SESN2: variants seen among roughly 807,000 people sequenced by gnomAD.
SESN2 encodes sestrin 2.
A neutral mutation model predicts 56.0 loss-of-function variants in SESN2; 42 were observed. The ratio of observed to expected loss-of-function variants is 0.75; its 90% CI spans 0.59 to 0.97. The LOEUF (loss-of-function observed/expected upper bound fraction) is 0.97. SESN2 is among the 50% of genes least tolerant of loss of function. SESN2 has a pLI of 0.00. For synonymous variants in SESN2, 264 were observed against 267.1 expected, an observed-to-expected ratio of 0.99 and a Z score of 0.11; for missense variants, 507 against 649.4, an observed-to-expected ratio of 0.78 and a Z score of 2.38.
chr1:28,274,866 G>A lies in SESN2; in HGVS notation c.1062G>A (p.Arg354=), dbSNP rs1557734798. 1.9e-6 allele frequency: 3 copies of A among 1,614,158 alleles called. No individual in the cohort carries two copies. The highest frequency in any genetic ancestry group is 1.7e-6 in the Non-Finnish European group (2 of 1,180,004). The change falls in exon 8 of 10, where the codon CGG becomes CGA. Residue 354 remains arginine (R), a synonymous_variant. Coordinates refer to ENST00000253063, the MANE Select transcript of SESN2 (RefSeq NM_031459.5). ...WEDHGYSLIQ[R]LYPEGGQLLD... The stretch of plus-strand genomic sequence containing the variant: ...ACCATGGCTACTCGCTGATCCAGCG[G>A]CTTTACCCTGAGGGTGGGCAGCTGC...
In SESN2 at chr1:28,259,902, G is replaced by A; in HGVS notation, c.55G>A (p.Ala19Thr). ...AGAGCTCAAGGACTACCTGCGGTTC[G>A]CCCCGGGCGGCGTCGGCGACTCGGG... The part of the protein sequence containing the change: ...RAELKDYLRF[A>T]PGGVGDSGPG... The change falls in exon 1 of 10, where the codon GCC becomes ACC. Residue 19 changes from alanine (A) to threonine (T), a missense_variant. By Grantham distance (58) the Ala-to-Thr change is moderately conservative. Transcript: ENST00000253063. 6.8e-7 allele frequency: 1 copy of A among 1,463,300 alleles called. No individual in the cohort carries two copies. The highest frequency in any genetic ancestry group is 2.9e-5 in the East Asian group (1 of 34,852). 90.6% of individuals were successfully genotyped at this position (1,463,300 alleles called of 1,614,324 possible).
intron 8 of SESN2, among the ~76,000 whole-genome samples, chr1:28,278,849 A>G (rs571173213): frequency 6.6e-6 from 1 of 152,236 alleles, no homozygotes; most frequent in Non-Finnish European, 1.5e-5. Context: ...AGGATTCCAC[A>G]TGGCACATAG....
Position 28,275,002 on chromosome 1 carries a change from G to A in SESN2, c.1198G>A (p.Val400Ile), listed in dbSNP as rs374917721. Residue 400 changes from valine to isoleucine, a missense_variant, in exon 8 of 10, where the codon GTC (valine) becomes ATC (isoleucine). Coordinates refer to ENST00000253063, the MANE Select transcript of SESN2 (RefSeq NM_031459.5). ...GGCCATCTGGAACTATATCCACTGCGTCTTTGGCATCAGGTGAGCTCATAT... is the reference window on the plus strand; with the variant it reads ...GGCCATCTGGAACTATATCCACTGCATCTTTGGCATCAGGTGAGCTCATAT... ...RRAIWNYIHC[V>I]FGIRYDDYDY... 3.1e-5 allele frequency: 50 copies of A among 1,613,054 alleles called. 1 individual carries two copies. Among genetic ancestry groups the A allele is most frequent in the African/African-American group, 2.1e-4 (16 of 74,922 alleles).
At chr1:28,263,689 CT>C (rs1391079464) in intron 1 of SESN2, among the ~76,000 whole-genome samples, 1 of 152,008 alleles carries the variant, frequency 6.6e-6, no homozygotes, top group Non-Finnish European at 1.5e-5. Context: ...CTGGGTTCAA[CT>C]CTCCAAGGCT....
In SESN2 at chr1:28,279,893, G is replaced by T. The variant is rs542118414; in HGVS notation, c.1356+652G>T. On this transcript the variant is annotated intron_variant, in intron 9 of 9. Coordinates refer to ENST00000253063, the MANE Select transcript of SESN2 (RefSeq NM_031459.5). ...TTTTGAGACAGAGTCTTGCTCTGTT[G>T]CCCAGGCTGGAGCGCAGCGGTGTGA... Among the ~76,000 whole-genome samples the T allele has an allele frequency of 2.0e-5, 3 of 151,588 alleles. No homozygotes were observed. In the South Asian group the frequency reaches 6.3e-4, roughly 32 times the overall value.
intron 2 of SESN2, 67 bp from the exon 3 acceptor site, chr1:28,271,607 A>G: frequency 7.8e-7 from 1 of 1,281,660 alleles, no homozygotes; most frequent in East Asian, 2.3e-5. Flanking sequence ...CACTGGAAGA[A>G]TACATTGGTC....
intron 1 of SESN2, among the ~76,000 whole-genome samples, chr1:28,263,890 T>C (rs1340168286): frequency 6.6e-6 from 1 of 152,200 alleles, no homozygotes; most frequent in Non-Finnish European, 1.5e-5. Context: ...TGTGTGCAAG[T>C]ACCTGAGCTA....
At chr1:28,275,310 C>CT (rs1310379358) in intron 8 of SESN2, among the ~76,000 whole-genome samples, 6 of 152,088 alleles carry the variant, frequency 3.9e-5, no homozygotes, top group African/African-American at 1.4e-4. Context: ...CACACACACA[C>CT]ACACACACTA....
chr1:28,270,464 C>A (rs914490592), intron 2 of SESN2, among the ~76,000 whole-genome samples: 10 of 152,282 alleles, frequency 6.6e-5, no homozygotes, highest in African/African-American at 2.2e-4. Flanking sequence ...TTCCTCTACT[C>A]CTTTGTAAAT....
chr1:28,274,300 G>A, intron 7 of SESN2, 142 bp downstream of exon 7: 1 of 654,164 alleles, frequency 1.5e-6, no homozygotes, highest in Admixed American at 2.4e-5. Flanking sequence ...GGGAAGCCAA[G>A]GTGGGAGGAT....
At position 28,274,046 on chromosome 1, in the gene SESN2, T is replaced by C; in HGVS notation, c.908T>C (p.Ile303Thr). 6.2e-7 allele frequency: 1 copy of C among 1,611,552 alleles called. No individual in the cohort carries two copies. The highest frequency in any genetic ancestry group is 8.5e-7 in the Non-Finnish European group (1 of 1,177,692). ...ACCTCTTTCTGGTCCTCAGCTGACA[T>C]CCTGGAGCCCTCTCCACACCCAGAC... The part of the protein sequence containing the change: ...ESLLVTPSAD[I>T]LEPSPHPDML... The change falls in exon 7 of 10, where the codon ATC (isoleucine) becomes ACC (threonine). Residue 303 changes from isoleucine (I) to threonine (T), a missense_variant. By Grantham distance (89) the Ile-to-Thr change is moderately conservative. Coordinates refer to ENST00000253063, the MANE Select transcript of SESN2 (RefSeq NM_031459.5).
chr1:28,265,500 TCTC>T (rs534145774), intron 1 of SESN2, among the ~76,000 whole-genome samples: 95 of 152,168 alleles, frequency 6.2e-4, no homozygotes, highest in African/African-American at 2.1e-3. Flanking sequence ...TTCAAGCAAT[TCTC>T]CTGCCTCAGC....
At chr1:28,275,735 G>A (rs529048948) in intron 8 of SESN2, among the ~76,000 whole-genome samples, 35 of 147,696 alleles carry the variant, frequency 2.4e-4, no homozygotes, top group African/African-American at 8.8e-4. Context: ...CTGGGTGACA[G>A]AGCAAGACTC....
chr1:28,277,725 G>C (rs1648100296), intron 8 of SESN2, among the ~76,000 whole-genome samples: 1 of 152,018 alleles, frequency 6.6e-6, no homozygotes, highest in Non-Finnish European at 1.5e-5. Flanking sequence ...TTTTAAAAAA[G>C]GTACGTGCTC....
At chr1:28,261,341 G>A (rs1418761773) in intron 1 of SESN2, among the ~76,000 whole-genome samples, 1 of 152,112 alleles carries the variant, frequency 6.6e-6, no homozygotes, top group Non-Finnish European at 1.5e-5. Context: ...TGTTACTATT[G>A]AGAACACCTG....
intron 1 of SESN2, among the ~76,000 whole-genome samples, chr1:28,264,651 T>A (rs1465079675): frequency 6.6e-6 from 1 of 152,210 alleles, no homozygotes; most frequent in Non-Finnish European, 1.5e-5. Flanking sequence ...CCTCACTACA[T>A]GTGGCTATTT....
chr1:28,275,116 C>T, intron 8 of SESN2, 101 bp downstream of exon 8: 2 of 846,186 alleles, frequency 2.4e-6, no homozygotes, highest in Non-Finnish European at 3.5e-6. Context: ...CTTTTCCTTT[C>T]TTCTTGCCTA....
intron 2 of SESN2, among the ~76,000 whole-genome samples, 157 bp from the exon 3 acceptor site, chr1:28,271,517 C>T (rs1380700776): frequency 1.3e-5 from 2 of 152,166 alleles, no homozygotes; most frequent in Non-Finnish European, 2.9e-5. Flanking sequence ...TTTATTGAAT[C>T]ACTTATTAAA....
At chr1:28,263,658 AC>A (rs1049178636) in intron 1 of SESN2, among the ~76,000 whole-genome samples, 8 of 151,900 alleles carry the variant, frequency 5.3e-5, no homozygotes, top group Non-Finnish European at 1.2e-4. Flanking sequence ...AGTAGACAGA[AC>A]CCTTGGAAGC....
Sources: allele counts gnomAD v4.1 joint callset (sites outside exome capture counted in the v4.1 genomes callset), GRCh38; gene constraint gnomAD v4.1.1; transcripts MANE v1.5; gene names NCBI Gene and HGNC (gene_info 2026-07-23, HGNC 2026-07-21).